The following RIMBP2 variants were observed in gnomAD, a reference collection of about 807,000 sequenced individuals.
The protein encoded by RIMBP2 is RIMS-binding protein 2.
Under a neutral mutation model 118.6 loss-of-function variants are expected in RIMBP2, and 48 were observed. The observed-to-expected ratio is 0.40, with a 90% CI of 0.32 to 0.51. The LOEUF (loss-of-function observed/expected upper bound fraction) is 0.51. Ranked by LOEUF, RIMBP2 falls within the 20% of genes least tolerant of loss-of-function variation. The pLI is 0.41. For synonymous variants in RIMBP2, 762 were observed against 742.9 expected, an observed-to-expected ratio of 1.03 and a Z score of -0.42; for missense variants, 1,551 against 1,768.3, an observed-to-expected ratio of 0.88 and a Z score of 2.20.
chr12:130,691,007 C>T (rs185451311), intron 1 of RIMBP2, among the ~76,000 whole-genome samples: 2 of 152,254 alleles, frequency 1.3e-5, no homozygotes, highest in Admixed American at 6.5e-5. Flanking sequence ...TGTTAAACAG[C>T]GTGTTTCTTG....
chr12:130,607,586 C>A (rs1379968586), intron 2 of RIMBP2, among the ~76,000 whole-genome samples: 1 of 151,942 alleles, frequency 6.6e-6, no homozygotes, highest in Non-Finnish European at 1.5e-5. Flanking sequence ...CAGGGACAGG[C>A]ATGAAACCAC....
At chr12:130,397,807 G>A in intron 22 of RIMBP2, 1 of 296,578 alleles carries the variant, frequency 3.4e-6, no homozygotes, top group Non-Finnish European at 6.2e-6. Context: ...CAAAGCTAAG[G>A]CAGGTAATAA....
At chr12:130,409,079 G>A (rs972044334) in intron 19 of RIMBP2, among the ~76,000 whole-genome samples, 71 of 152,270 alleles carry the variant, frequency 4.7e-4, no homozygotes, top group African/African-American at 1.6e-3. Context: ...TATGACTTTT[G>A]AAAGGTGGCA....
intron 2 of RIMBP2, among the ~76,000 whole-genome samples, chr12:130,592,360 A>ACCC (rs777632265): frequency 7.9e-5 from 12 of 152,212 alleles, no homozygotes; most frequent in Non-Finnish European, 1.5e-4. Flanking sequence ...TTTGACAGCC[A>ACCC]CCCCTTTGCC....
At chr12:130,521,177 CCAGAGCTGTCCA>C (rs768061297) in intron 2 of RIMBP2, among the ~76,000 whole-genome samples, 2 of 152,204 alleles carry the variant, frequency 1.3e-5, no homozygotes, top group Non-Finnish European at 2.9e-5. Flanking sequence ...CTGTGTGCTA[CCAGAGCTGTCCA>C]CACAGGGAGG....
intron 1 of RIMBP2, among the ~76,000 whole-genome samples, chr12:130,684,122 AC>A (rs2064937649): frequency 2.0e-5 from 3 of 152,074 alleles, no homozygotes; most frequent in Non-Finnish European, 2.9e-5. Flanking sequence ...GGCCTCCACA[AC>A]CCCTTATCTG....
At position 130,597,551 on chromosome 12, in the gene RIMBP2, A is replaced by T. The variant is rs541310671; in HGVS notation, c.-217+30771T>A. On this transcript the variant is annotated intron_variant, in intron 2 of 22. Transcript: ENST00000690449. ...CCACCATGCCTGGCCAAGGTAACCC[A>T]TCTTAACCAAATAGAGTTTATCCTG... Among the ~76,000 whole-genome samples the T allele has an allele frequency of 2.0e-5, 3 of 152,312 alleles. No individual in the cohort carries two copies. The South Asian group carries it at 6.2e-4, about 32-fold the overall frequency.
At chr12:130,573,649 G>A (rs1018623610) in intron 2 of RIMBP2, among the ~76,000 whole-genome samples, 1 of 152,176 alleles carries the variant, frequency 6.6e-6, no homozygotes, top group Non-Finnish European at 1.5e-5. Flanking sequence ...CCCCACCTGG[G>A]GGGGTGATGG....
chr12:130,399,028 C>A, intron 22 of RIMBP2: 1 of 593,162 alleles, frequency 1.7e-6, no homozygotes, highest in East Asian at 3.3e-5. Context: ...TTTTTAACCC[C>A]ACAATGAAGC....
chr12:130,681,638 T>C (rs1027712912), intron 1 of RIMBP2, among the ~76,000 whole-genome samples: 6 of 152,206 alleles, frequency 3.9e-5, no homozygotes, highest in African/African-American at 1.4e-4. Context: ...GCCTTGGTAA[T>C]TAAGATGCGA....
chr12:130,414,191 G>A lies in RIMBP2; in HGVS notation c.3354C>T (p.Leu1118=). The A allele has an allele frequency of 1.2e-6, 2 of 1,614,248 alleles. No individual in the cohort carries two copies. Among genetic ancestry groups the A allele is most frequent in the Non-Finnish European group, 1.7e-6 (2 of 1,180,046 alleles). The change falls in exon 18 of 23, where the codon CTC becomes CTT. Residue 1118 remains leucine (L), a synonymous_variant. Transcript: ENST00000690449. The part of the protein sequence containing the change: ...IFVALFDYDP[L]TMSPNPDAAE... ...CAGCATCTGGGTTTGGGGACATGGT[G>A]AGCGGGTCGTAGTCAAAGAGAGCCA...
rs118060128 is a variant in RIMBP2, at chr12:130,567,532, C to T, written c.-216-49615G>A. Among the ~76,000 whole-genome samples, 530 of 152,258 alleles carry T rather than the reference C, an allele frequency of 3.5e-3. 1 individual carries two copies. The highest frequency in any genetic ancestry group is 6.1e-3 in the Admixed American group (94 of 15,294). Reference sequence around the variant, plus strand: ...GAAGGGACACTAGAGGGAGACAGAACGGGGGAGAGGGAGGAGGGAGGGTCC... The same window carrying T: ...GAAGGGACACTAGAGGGAGACAGAATGGGGGAGAGGGAGGAGGGAGGGTCC... On this transcript the variant is annotated intron_variant, in intron 2 of 22. Transcript: ENST00000690449.
chr12:130,487,106 C>T (rs375819827), intron 4 of RIMBP2, among the ~76,000 whole-genome samples: 1 of 152,370 alleles, frequency 6.6e-6, no homozygotes, highest in Non-Finnish European at 1.5e-5. Flanking sequence ...GTGCTTTTGC[C>T]ACACTGGCTT....
chr12:130,476,157 C>A (rs932912441), intron 5 of RIMBP2, among the ~76,000 whole-genome samples: 2 of 152,106 alleles, frequency 1.3e-5, no homozygotes, highest in Non-Finnish European at 2.9e-5. Context: ...AGGCCATAAG[C>A]TCAAACTGGG....
At chr12:130,615,081 C>T (rs535686623) in intron 2 of RIMBP2, among the ~76,000 whole-genome samples, 4 of 145,858 alleles carry the variant, frequency 2.7e-5, no homozygotes, top group Admixed American at 1.4e-4. Flanking sequence ...CATATATACA[C>T]GTGTATGTGT....
In RIMBP2 at chr12:130,450,200, C is replaced by T. The variant is rs1229823912; in HGVS notation, c.581G>A (p.Ser194Asn). Residue 194 changes from serine (S) to asparagine (N), a missense_variant and splice_region_variant, in exon 9 of 23, where the codon AGT becomes AAT. Coordinates refer to ENST00000690449, the MANE Select transcript of RIMBP2 (RefSeq NM_001393629.1). The surrounding 1 kb of genome is among the most constrained non-coding windows in gnomAD (Gnocchi z 4.8). The stretch of plus-strand genomic sequence containing the variant: ...GTGGACGCCGAGGGGCCGCACTTAC[C>T]TATAGCGGGCAACACAGAGGTGGAC... The part of the protein sequence containing the change: ...GKVHLCVARY[S>N]YNPFDGPNEN... 2 of 1,603,216 alleles carry T rather than the reference C, an allele frequency of 1.2e-6. No individual in the cohort carries two copies. Among genetic ancestry groups the T allele is most frequent in the African/African-American group, 2.7e-5 (2 of 74,606 alleles).
Position 130,572,252 on chromosome 12 carries a change from C to T in RIMBP2, c.-216-54335G>A, listed in dbSNP as rs146596396. Among the ~76,000 whole-genome samples the T allele has an allele frequency of 1.7e-3, 163 of 96,804 alleles. 1 individual carries two copies. Among genetic ancestry groups the T allele is most frequent in the African/African-American group, 4.3e-3 (155 of 35,806 alleles). The allele number at this position is 96,804 out of a possible 152,430, so 63.5% of individuals were successfully genotyped here. On this transcript the variant is annotated intron_variant, in intron 2 of 22. Transcript: ENST00000690449. ...GAGGGGCCTCCCACTGCACGCACCA[C>T]GGAGGTCCCAGCTACTTGGACACAT...
chr12:130,519,506 C>A (rs11611030), intron 2 of RIMBP2, among the ~76,000 whole-genome samples: 1 of 152,182 alleles, frequency 6.6e-6, no homozygotes, highest in African/African-American at 2.4e-5. Context: ...GATGGCATAA[C>A]ATTTATTGTT....
intron 11 of RIMBP2, among the ~76,000 whole-genome samples, chr12:130,439,306 T>G (rs1203824686): frequency 6.6e-6 from 1 of 151,058 alleles, no homozygotes; most frequent in Non-Finnish European, 1.5e-5. Flanking sequence ...GGTGTGTGTG[T>G]GGGTGTGTAT....
Sources: gnomAD v4.1 joint callset for allele counts (sites outside exome capture counted in the v4.1 genomes callset) on GRCh38, gnomAD v4.1.1 for gene constraint, Gnocchi (gnomAD v3.1) non-coding constraint, MANE v1.5 for transcripts, NCBI Gene and HGNC (gene_info 2026-07-23, HGNC 2026-07-21) for gene names.